The following LRP1B variants were observed in gnomAD, a reference collection of about 807,000 sequenced individuals.
LRP1B encodes LDL receptor related protein 1B, also known as low-density lipoprotein receptor-related protein 1B.
In LRP1B, 217 loss-of-function variants were observed where a neutral mutation model predicts 556.6. That is an observed-to-expected ratio of 0.39 (90% CI 0.35 to 0.44). LRP1B has a LOEUF of 0.44. Among genes scored for constraint, LRP1B ranks in the 20% least tolerant of loss-of-function variants. LRP1B has a pLI of 1.00. For synonymous variants in LRP1B, 2,047 were observed against 1,865.8 expected (o/e 1.10, Z -2.50); for missense variants, 5,053 against 5,620.8 (o/e 0.90, Z 3.23).
chr2:140,659,327 C>T (rs1052583622), intron 41 of LRP1B, among the ~76,000 whole-genome samples: 9 of 151,672 alleles, frequency 5.9e-5, no homozygotes, highest in African/African-American at 1.7e-4. Context: ...AATGATACTA[C>T]CCTGTGTACA....
At chr2:141,221,305 A>C (rs1347222913) in intron 6 of LRP1B, among the ~76,000 whole-genome samples, 2 of 136,952 alleles carry the variant, frequency 1.5e-5, no homozygotes, top group South Asian at 2.3e-4. Flanking sequence ...AAAAAAAAAA[A>C]AAACCAAAGG....
intron 2 of LRP1B, among the ~76,000 whole-genome samples, chr2:141,493,176 G>A (rs1291278003): frequency 1.3e-5 from 2 of 152,134 alleles, no homozygotes; most frequent in Non-Finnish European, 2.9e-5. Flanking sequence ...TCACAGAGTT[G>A]TAACGCTATT....
chr2:140,870,202 C>T (rs1322819517), intron 25 of LRP1B, among the ~76,000 whole-genome samples: 1 of 152,094 alleles, frequency 6.6e-6, no homozygotes, highest in Non-Finnish European at 1.5e-5. Flanking sequence ...CTGAAGGAAG[C>T]TCTGAGAGAT....
intron 62 of LRP1B, among the ~76,000 whole-genome samples, chr2:140,455,940 T>C (rs1226441497): frequency 6.6e-6 from 1 of 152,178 alleles, no homozygotes; most frequent in Non-Finnish European, 1.5e-5. Flanking sequence ...TACCATACAG[T>C]AGACAAGTTA....
chr2:141,066,309 C>T (rs1177577246), intron 7 of LRP1B, among the ~76,000 whole-genome samples: 1 of 151,944 alleles, frequency 6.6e-6, no homozygotes, highest in Admixed American at 6.6e-5. Context: ...ATTATATGAG[C>T]AGCCCCGTTT....
intron 1 of LRP1B, among the ~76,000 whole-genome samples, chr2:141,928,732 T>C (rs952750398): frequency 1.4e-4 from 22 of 152,058 alleles, no homozygotes; most frequent in African/African-American, 5.3e-4. Flanking sequence ...TATGGCAGAA[T>C]TTATGTCTTG....
intron 1 of LRP1B, among the ~76,000 whole-genome samples, chr2:142,041,064 T>C (rs1171752804): frequency 6.6e-6 from 1 of 151,512 alleles, no homozygotes; most frequent in African/African-American, 2.4e-5. Flanking sequence ...AGGTATTTCC[T>C]TAGCCTGGAA....
chr2:140,351,272 T>C (rs1681946875), intron 76 of LRP1B, among the ~76,000 whole-genome samples: 1 of 151,954 alleles, frequency 6.6e-6, no homozygotes, highest in Non-Finnish European at 1.5e-5. Context: ...TCTTTCCTTA[T>C]GGCTAGAAAT....
intron 2 of LRP1B, among the ~76,000 whole-genome samples, chr2:141,762,905 A>G (rs1190440636): frequency 6.6e-6 from 1 of 152,232 alleles, no homozygotes; most frequent in Non-Finnish European, 1.5e-5. Context: ...TTTCTATATG[A>G]GGTTTGAAAA....
chr2:140,450,480 G>T (rs1310503245), intron 63 of LRP1B, 88 bp downstream of exon 63: 1 of 956,882 alleles, frequency 1.0e-6, no homozygotes, highest in East Asian at 2.4e-5. Flanking sequence ...GTGTCAGAAG[G>T]CAATACTTTA....
chr2:141,494,625 C>A (rs73963311), intron 2 of LRP1B, among the ~76,000 whole-genome samples: 4,261 of 151,322 alleles, frequency 0.028, 209 homozygotes, highest in African/African-American at 0.098. Context: ...TTATTTGAAC[C>A]ATTAAACAAC....
intron 60 of LRP1B, among the ~76,000 whole-genome samples, chr2:140,474,468 C>T (rs1687888493): frequency 6.6e-6 from 1 of 151,708 alleles, no homozygotes; most frequent in Non-Finnish European, 1.5e-5. Flanking sequence ...AAATGTAAAC[C>T]CCTGATAGCA....
At chr2:140,522,426 A>C (rs1465835774) in intron 49 of LRP1B, among the ~76,000 whole-genome samples, 1 of 152,002 alleles carries the variant, frequency 6.6e-6, no homozygotes. Context: ...TGGCAAAAAC[A>C]GTATTAAAAG....
chr2:140,247,090 G>T lies in LRP1B; in HGVS notation c.13320C>A (p.Ser4440Arg), dbSNP rs1410788100. 1 of 1,607,456 alleles carries T rather than the reference G, an allele frequency of 6.2e-7. No individual in the cohort carries two copies. Among genetic ancestry groups the T allele is most frequent in the South Asian group, 1.1e-5 (1 of 90,934 alleles). ...APKSSKSDHI[S>R]TRSIAIIVPL... Reference sequence around the variant, plus strand: ...ATATTAATCTGAGAAACTTACTTGTGCTGATATGATCAGACTTGCTGCTCT... The same window carrying T: ...ATATTAATCTGAGAAACTTACTTGTTCTGATATGATCAGACTTGCTGCTCT... The change falls in exon 87 of 91, where the codon AGC becomes AGA. Residue 4440 changes from serine (S) to arginine (R), a missense_variant. Ser to Arg is a moderately radical substitution (Grantham distance 110, BLOSUM62 -1). Around this residue, in one of 5 missense-constraint regions of LRP1B, gnomAD observed 551 missense variants for 592.0 expected, o/e 0.93. Coordinates refer to ENST00000389484, the MANE Select transcript of LRP1B (RefSeq NM_018557.3).
chr2:140,544,581 T>G (rs149748991), intron 43 of LRP1B, among the ~76,000 whole-genome samples: 15 of 152,156 alleles, frequency 9.9e-5, no homozygotes, highest in Non-Finnish European at 2.1e-4. Context: ...ATAATTGGTT[T>G]TCTGTTTCTG....
intron 3 of LRP1B, among the ~76,000 whole-genome samples, chr2:141,417,511 T>G (rs1679944050): frequency 6.6e-6 from 1 of 152,220 alleles, no homozygotes. Context: ...TTAACATTCT[T>G]TCACTTAGCA....
At chr2:140,842,001 A>G (rs75719514) in intron 29 of LRP1B, among the ~76,000 whole-genome samples, 2,972 of 152,268 alleles carry the variant, frequency 0.02, 131 homozygotes, top group East Asian at 0.17. Flanking sequence ...TCTCTAGACT[A>G]CTATTTCTCA....
intron 3 of LRP1B, among the ~76,000 whole-genome samples, chr2:141,329,540 A>G (rs559596378): frequency 6.6e-6 from 1 of 150,502 alleles, no homozygotes; most frequent in South Asian, 2.2e-4. Context: ...GCTACTCAGG[A>G]GGCTGAGGCA....
At chr2:142,084,101 T>A (rs1361071238) in intron 1 of LRP1B, among the ~76,000 whole-genome samples, 1 of 151,872 alleles carries the variant, frequency 6.6e-6, no homozygotes, top group Admixed American at 6.6e-5. Flanking sequence ...TGCCTCAGCC[T>A]CCCAAGTAAC....
Sources: gnomAD v4.1 joint callset for allele counts (sites outside exome capture counted in the v4.1 genomes callset) on GRCh38, gnomAD v4.1.1 for gene constraint, gnomAD v4.1.1 regional missense constraint, MANE v1.5 for transcripts, NCBI Gene and HGNC (gene_info 2026-07-23, HGNC 2026-07-21) for gene names.